NFIX: variants seen among roughly 807,000 people sequenced by gnomAD.
The protein encoded by NFIX is nuclear factor I X.
In NFIX, 2 loss-of-function variants were observed where a neutral mutation model predicts 53.3. That is an observed-to-expected ratio of 0.04 (90% CI 0.02 to 0.12). NFIX has a LOEUF of 0.12. Ranked by LOEUF, NFIX falls within the 10% of genes least tolerant of loss-of-function variation. NFIX has a pLI of 1.00. For synonymous variants in NFIX, 244 were observed against 289.0 expected (o/e 0.84, Z 1.58); for missense variants, 310 against 674.5 (o/e 0.46, Z 5.99).
In NFIX at chr19:13,027,710, G is replaced by A. The variant is rs752147677; in HGVS notation, c.559+2158G>A. ...TGAAAAGTATGTGAGGAAGCAGACCGTTTCCTGGCCAGAAGAAAGGCCCCA... is the reference window on the plus strand; with the variant it reads ...TGAAAAGTATGTGAGGAAGCAGACCATTTCCTGGCCAGAAGAAAGGCCCCA... On this transcript the variant is annotated intron_variant, in intron 2 of 10. Transcript: ENST00000592199. This position sits in a 1 kb window ranked among gnomAD's most constrained non-coding sequence, Gnocchi z 4.3. Among the ~76,000 whole-genome samples the A allele has an allele frequency of 3.3e-5, 5 of 152,156 alleles. No homozygotes were observed. Among genetic ancestry groups the A allele is most frequent in the Non-Finnish European group, 5.9e-5 (4 of 68,036 alleles).
intron 7 of NFIX, among the ~76,000 whole-genome samples, chr19:13,079,783 C>T (rs1599858249): frequency 6.6e-6 from 1 of 152,226 alleles, no homozygotes; most frequent in Non-Finnish European, 1.5e-5. Flanking sequence ...TTTCCTCAGC[C>T]CCCTAATGAA....
chr19:13,039,528 C>T (rs1050333535), intron 2 of NFIX, among the ~76,000 whole-genome samples: 1 of 152,170 alleles, frequency 6.6e-6, no homozygotes, highest in Non-Finnish European at 1.5e-5. Flanking sequence ...ATGTGTTGGC[C>T]TCCTCACTGC....
rs773222015 is a variant in NFIX at position 13,090,859 on chromosome 19, C to T, written c.1494+469C>T. Among the ~76,000 whole-genome samples, 6 of 152,184 alleles carry T rather than the reference C, an allele frequency of 3.9e-5. No individual in the cohort carries two copies. The highest frequency in any genetic ancestry group is 7.4e-5 in the Non-Finnish European group (5 of 68,014). Reference sequence around the variant, plus strand: ...TGGTGGGCTGCGTGCCCAGAACTGGCACTGAGGGCAGGGCAGGGCAGGCCG... The same window carrying T: ...TGGTGGGCTGCGTGCCCAGAACTGGTACTGAGGGCAGGGCAGGGCAGGCCG... On this transcript the variant is annotated intron_variant, in intron 10 of 10. Transcript: ENST00000592199. The surrounding 1 kb of genome is among the most constrained non-coding windows in gnomAD (Gnocchi z 6.6).
At chr19:13,062,299 G>A (rs541856209) in intron 2 of NFIX, among the ~76,000 whole-genome samples, 3 of 152,334 alleles carry the variant, frequency 2.0e-5, no homozygotes, top group African/African-American at 4.8e-5. Flanking sequence ...CATGAGTGTC[G>A]GTGGTTGGGC....
intron 1 of NFIX, among the ~76,000 whole-genome samples, chr19:13,003,314 T>C (rs951671851): frequency 2.6e-5 from 4 of 151,850 alleles, no homozygotes; most frequent in African/African-American, 9.7e-5. Context: ...CATTACACAC[T>C]CAGGGACGTG....
rs551530851 is a variant in NFIX, at chr19:13,094,620, T to C, written c.1495-15T>C. ...CAGCTGTTCTCAGTATCGCCTCTTT[T>C]TCATCCTGTTTCAGTCCTGGTTCCT... On this transcript the variant is annotated splice_polypyrimidine_tract_variant and intron_variant, in intron 10 of 10. Coordinates refer to ENST00000592199, the MANE Select transcript of NFIX (RefSeq NM_001365902.3). The surrounding 1 kb of genome is among the most constrained non-coding windows in gnomAD (Gnocchi z 4.3). 2.7e-4 allele frequency: 412 copies of C among 1,536,194 alleles called. No homozygotes were observed. The highest frequency in any genetic ancestry group is 3.4e-4 in the Non-Finnish European group (385 of 1,146,846).
chr19:13,025,317 C>T lies in NFIX; in HGVS notation c.324C>T (p.Pro108=), dbSNP rs746178790. The change falls in exon 2 of 11, where the codon CCC becomes CCT. Residue 108 remains proline (P), a synonymous_variant. Coordinates refer to ENST00000592199, the MANE Select transcript of NFIX (RefSeq NM_001365902.3). The surrounding 1 kb of genome is among the most constrained non-coding windows in gnomAD (Gnocchi z 7.5). ...KKPPCCVLSN[P]DQKGKIRRID... ...CCCCCTGCTGCGTGCTCTCCAACCC[C>T]GACCAGAAGGGCAAGATCCGGCGGA... 16 of 1,613,994 alleles carry T rather than the reference C, an allele frequency of 9.9e-6. No homozygotes were observed. The South Asian group carries it at 1.1e-4, about 11-fold the overall frequency.
At chr19:12,999,086 G>T (rs370214875) in intron 1 of NFIX, among the ~76,000 whole-genome samples, 1 of 152,074 alleles carries the variant, frequency 6.6e-6, no homozygotes. Flanking sequence ...ACCCAAGGAC[G>T]GACAGGCGGA....
rs1421207581 is a variant in NFIX at position 13,042,376 on chromosome 19, G to A, written c.559+16824G>A. Among the ~76,000 whole-genome samples the A allele has an allele frequency of 2.9e-4, 7 of 24,458 alleles. No homozygotes were observed. The South Asian group carries it at 0.011, about 38-fold the overall frequency. The allele number at this position is 24,458 out of a possible 152,430, so 16.0% of individuals were successfully genotyped here. A position where few individuals can be genotyped will look rare whatever the true frequency, so the allele number is the denominator to read the frequency against. ...CATGCTTTTTTTTTTTTTTTTTTTT[G>A]GAGACAGAGTCGCTGTCACCCAAGC... On this transcript the variant is annotated intron_variant, in intron 2 of 10. Transcript: ENST00000592199.
intron 1 of NFIX, among the ~76,000 whole-genome samples, chr19:13,017,213 G>C (rs1407311357): frequency 2.6e-5 from 4 of 152,148 alleles, no homozygotes. Context: ...GAGCGTGGCC[G>C]AGGGGTGGGC....
At chr19:13,019,881 A>G (rs1446061403) in intron 1 of NFIX, among the ~76,000 whole-genome samples, 1 of 151,632 alleles carries the variant, frequency 6.6e-6, no homozygotes, top group Non-Finnish European at 1.5e-5. Context: ...TTTTCTCTCC[A>G]ATGGGGGAAA....
rs2011484356 is a variant in NFIX, at chr19:12,996,769, G to C, written c.27+905G>C. Among the ~76,000 whole-genome samples the C allele has an allele frequency of 6.6e-6, 1 of 152,250 alleles. No individual in the cohort carries two copies. Among genetic ancestry groups the C allele is most frequent in the Admixed American group, 6.5e-5 (1 of 15,290 alleles). ...GCGGCCACACCGTCGGGTCAGCCTC[G>C]GGCACAACAGCGCCGACCTTGGCGC... On this transcript the variant is annotated intron_variant, in intron 1 of 10. Coordinates refer to ENST00000592199, the MANE Select transcript of NFIX (RefSeq NM_001365902.3). This position sits in a 1 kb window ranked among gnomAD's most constrained non-coding sequence, Gnocchi z 5.2.
In NFIX at chr19:13,060,479, G is replaced by T. The variant is rs547422930; in HGVS notation, c.560-12568G>T. Among the ~76,000 whole-genome samples the T allele has an allele frequency of 6.6e-6, 1 of 152,216 alleles. No individual in the cohort carries two copies. Among genetic ancestry groups the T allele is most frequent in the Admixed American group, 6.5e-5 (1 of 15,282 alleles). ...CCCTCTGACCACAACTTTGTGGGGCGCCTGCTGTGTGCAGAATCTACCCCG... is the reference window on the plus strand; with the variant it reads ...CCCTCTGACCACAACTTTGTGGGGCTCCTGCTGTGTGCAGAATCTACCCCG... On this transcript the variant is annotated intron_variant, in intron 2 of 10. Coordinates refer to ENST00000592199, the MANE Select transcript of NFIX (RefSeq NM_001365902.3). This position sits in a 1 kb window ranked among gnomAD's most constrained non-coding sequence, Gnocchi z 4.3.
chr19:13,020,471 G>T (rs1017238209), intron 1 of NFIX, among the ~76,000 whole-genome samples: 1 of 152,172 alleles, frequency 6.6e-6, no homozygotes, highest in Non-Finnish European at 1.5e-5. Flanking sequence ...AGAATATCCT[G>T]GCCACTCCTC....
rs903239632 is a variant in NFIX, at chr19:13,088,854, CT to C, written c.1402+727del. Among the ~76,000 whole-genome samples the C allele has an allele frequency of 2.0e-5, 3 of 149,918 alleles. No homozygotes were observed. The highest frequency in any genetic ancestry group is 6.7e-5 in the Admixed American group (1 of 15,010). On this transcript the variant is annotated intron_variant, in intron 9 of 10. Transcript: ENST00000592199. The surrounding 1 kb of genome is among the most constrained non-coding windows in gnomAD (Gnocchi z 5.9). ...GTCTCTCTTTCTTTTCTTTTCTTTTCTTTTTTTTTCCTCTTAAACCAATGAC... is the reference window on the plus strand; with the variant it reads ...GTCTCTCTTTCTTTTCTTTTCTTTTCTTTTTTTTCCTCTTAAACCAATGAC...
rs564246606 is a variant in NFIX, at chr19:13,003,250, CCTCA to C, written c.27+7392_27+7395del. Among the ~76,000 whole-genome samples the C allele has an allele frequency of 1.1e-4, 17 of 152,270 alleles. No homozygotes were observed. The South Asian group carries it at 3.1e-3, about 28-fold the overall frequency. Reference sequence around the variant, plus strand: ...GGCGTCCCCATACAAAGAATCTTGCCCTCACTCACAGACACCTTGAGGCACCCGG... The same window carrying C: ...GGCGTCCCCATACAAAGAATCTTGCCCTCACAGACACCTTGAGGCACCCGG... On this transcript the variant is annotated intron_variant, in intron 1 of 10. Transcript: ENST00000592199.
chr19:13,056,699 C>T (rs1440796980), intron 2 of NFIX, among the ~76,000 whole-genome samples: 2 of 152,226 alleles, frequency 1.3e-5, no homozygotes, highest in Non-Finnish European at 2.9e-5. Flanking sequence ...TTCTGTTCCT[C>T]ACTTACTTGG....
chr19:13,023,027 T>C (rs1191909167), intron 1 of NFIX, among the ~76,000 whole-genome samples: 1 of 150,338 alleles, frequency 6.7e-6, no homozygotes, highest in Non-Finnish European at 1.5e-5. Flanking sequence ...CATTGGCTGC[T>C]CGTGGATGTC....
At chr19:13,057,569 C>T (rs1029153277) in intron 2 of NFIX, among the ~76,000 whole-genome samples, 1 of 152,144 alleles carries the variant, frequency 6.6e-6, no homozygotes, top group African/African-American at 2.4e-5. Flanking sequence ...ATGTCCTCCT[C>T]AGGCTGAGGA....
Sources: gnomAD v4.1 joint callset for allele counts (sites outside exome capture counted in the v4.1 genomes callset) on GRCh38, gnomAD v4.1.1 for gene constraint, Gnocchi (gnomAD v3.1) non-coding constraint, MANE v1.5 for transcripts, NCBI Gene and HGNC (gene_info 2026-07-23, HGNC 2026-07-21) for gene names.